The following AHCYL2 variants were observed in gnomAD, a reference collection of about 807,000 sequenced individuals.
The protein encoded by AHCYL2 is S-adenosylhomocysteine hydrolase-like protein 2.
A neutral mutation model predicts 81.4 loss-of-function variants in AHCYL2; 28 were observed. The ratio of observed to expected loss-of-function variants is 0.34; its 90% CI spans 0.25 to 0.47. The LOEUF is 0.47. AHCYL2 is among the 20% of genes least tolerant of loss of function. The pLI is 1.00. For missense variants in AHCYL2, 551 were observed against 785.1 expected (o/e 0.70, Z 3.56); for synonymous variants, 272 against 290.2 (o/e 0.94, Z 0.64).
chr7:129,263,588 C>T (rs1047285653), intron 1 of AHCYL2, among the ~76,000 whole-genome samples: 4 of 152,186 alleles, frequency 2.6e-5, no homozygotes, highest in South Asian at 2.1e-4. Flanking sequence ...GGCAGAGAAA[C>T]GAGAGACAAG....
At chr7:129,248,401 A>G (rs980095908) in intron 1 of AHCYL2, among the ~76,000 whole-genome samples, 2 of 152,148 alleles carry the variant, frequency 1.3e-5, no homozygotes, top group African/African-American at 4.8e-5. Flanking sequence ...AATCATTTCT[A>G]CATTACTTAC....
chr7:129,360,926 G>C lies in AHCYL2; in HGVS notation c.364-18712G>C, dbSNP rs137957205. On this transcript the variant is annotated intron_variant, in intron 1 of 16. Transcript: ENST00000325006. ...AGGAAGTGATATGGCATGTATAAAT[G>C]AATTTAATGAATTGAAGTAGGCTGT... Among the ~76,000 whole-genome samples, 739 of 152,282 alleles carry C rather than the reference G, an allele frequency of 4.9e-3. 7 individuals are homozygous for C. The highest frequency in any genetic ancestry group is 0.017 in the African/African-American group (707 of 41,556).
At chr7:129,367,890 T>C (rs1794185298) in intron 1 of AHCYL2, among the ~76,000 whole-genome samples, 1 of 152,240 alleles carries the variant, frequency 6.6e-6, no homozygotes. Context: ...TGCGAGAGTT[T>C]GGTGCCAGAC....
chr7:129,315,542 T>C (rs1797801523), intron 1 of AHCYL2, among the ~76,000 whole-genome samples: 2 of 152,218 alleles, frequency 1.3e-5, no homozygotes, highest in Non-Finnish European at 2.9e-5. Context: ...TTTCCCAACC[T>C]TTATATATTT....
At chr7:129,329,750 G>A (rs954199213) in intron 1 of AHCYL2, among the ~76,000 whole-genome samples, 3 of 152,184 alleles carry the variant, frequency 2.0e-5, no homozygotes, top group Non-Finnish European at 4.4e-5. Flanking sequence ...TGTGGTTTTT[G>A]TGAAGAGCAG....
intron 10 of AHCYL2, among the ~76,000 whole-genome samples, chr7:129,409,087 T>C (rs1277807159): frequency 1.4e-5 from 2 of 144,150 alleles, no homozygotes; most frequent in Non-Finnish European, 3.0e-5. Flanking sequence ...ATCCCATCTC[T>C]AAAAAAAAAA....
chr7:129,378,160 A>G (rs1460383404), intron 1 of AHCYL2, among the ~76,000 whole-genome samples: 1 of 152,084 alleles, frequency 6.6e-6, no homozygotes, highest in Admixed American at 6.5e-5. Flanking sequence ...AAAAATACAA[A>G]AATTAGCTGG....
chr7:129,411,407 A>G (rs1303748914), intron 11 of AHCYL2, among the ~76,000 whole-genome samples: 1 of 152,184 alleles, frequency 6.6e-6, no homozygotes, highest in Non-Finnish European at 1.5e-5. Flanking sequence ...TTTCATATAA[A>G]TGGAATCATA....
At chr7:129,390,854 TCCTAC>T (rs1795435972) in intron 4 of AHCYL2, among the ~76,000 whole-genome samples, 1 of 152,198 alleles carries the variant, frequency 6.6e-6, no homozygotes, top group Non-Finnish European at 1.5e-5. Flanking sequence ...CACCAGTGAT[TCCTAC>T]CTTACTCTCA....
At chr7:129,242,417 A>T (rs1300630457) in intron 1 of AHCYL2, among the ~76,000 whole-genome samples, 1 of 151,732 alleles carries the variant, frequency 6.6e-6, no homozygotes, top group African/African-American at 2.4e-5. Context: ...GTATCTCTAG[A>T]AGCAAAATTG....
At chr7:129,304,066 A>T (rs927657045) in intron 1 of AHCYL2, among the ~76,000 whole-genome samples, 3 of 150,566 alleles carry the variant, frequency 2.0e-5, no homozygotes, top group African/African-American at 7.5e-5. Flanking sequence ...AATAAAAAAT[A>T]AAATAAAAAT....
chr7:129,371,164 G>A (rs1794393102), intron 1 of AHCYL2, among the ~76,000 whole-genome samples: 1 of 152,152 alleles, frequency 6.6e-6, no homozygotes, highest in Admixed American at 6.5e-5. Flanking sequence ...TTTAACGAGT[G>A]TCTTACTCAT....
At chr7:129,238,959 A>C (rs115821452) in intron 1 of AHCYL2, among the ~76,000 whole-genome samples, 1,644 of 152,216 alleles carry the variant, frequency 0.011, 40 homozygotes, top group African/African-American at 0.038. Context: ...CTCAAAAAAA[A>C]AGAACCTTTG....
chr7:129,319,448 G>A (rs933288003), intron 1 of AHCYL2, among the ~76,000 whole-genome samples: 10 of 148,126 alleles, frequency 6.8e-5, no homozygotes, highest in East Asian at 3.9e-4. Flanking sequence ...AGACTCTGTC[G>A]CAAAAAAAAA....
At chr7:129,272,630 G>T (rs1456851358) in intron 1 of AHCYL2, among the ~76,000 whole-genome samples, 3 of 152,112 alleles carry the variant, frequency 2.0e-5, no homozygotes, top group African/African-American at 7.2e-5. Context: ...GTGATTCAAG[G>T]TTTATTGGTA....
rs1347963188 is a variant in AHCYL2, at chr7:129,225,284, G to A, written c.208G>A (p.Ala70Thr). The A allele has an allele frequency of 1.4e-6, 2 of 1,456,790 alleles. No individual in the cohort carries two copies. Among genetic ancestry groups the A allele is most frequent in the Non-Finnish European group, 9.0e-7 (1 of 1,113,016 alleles). 90.2% of individuals were successfully genotyped at this position (1,456,790 alleles called of 1,614,324 possible). ...PPVPGPGSGPAAALSPAAGKV... is the reference protein window; with the variant it reads ...PPVPGPGSGPTAALSPAAGKV... The stretch of plus-strand genomic sequence containing the variant: ...GGTCCCCGGCCCGGGCTCGGGGCCC[G>A]CCGCCGCTCTCAGCCCCGCCGCCGG... The change falls in exon 1 of 17, where the codon GCC (alanine) becomes ACC (threonine). Residue 70 changes from alanine (A) to threonine (T), a missense_variant. Physicochemically the swap from Ala to Thr is moderately conservative, Grantham distance 58 (BLOSUM62 0). Coordinates refer to ENST00000325006, the MANE Select transcript of AHCYL2 (RefSeq NM_015328.4).
chr7:129,255,563 T>C (rs953020047), intron 1 of AHCYL2, among the ~76,000 whole-genome samples: 1 of 152,202 alleles, frequency 6.6e-6, no homozygotes, highest in African/African-American at 2.4e-5. Flanking sequence ...TCTATTTACA[T>C]GAATGTGTGT....
intron 13 of AHCYL2, among the ~76,000 whole-genome samples, 155 bp downstream of exon 13, chr7:129,423,093 C>T (rs1428197774): frequency 6.6e-6 from 1 of 152,212 alleles, no homozygotes; most frequent in Non-Finnish European, 1.5e-5. Context: ...TGTGAAAGAT[C>T]TTTTCATTCA....
At chr7:129,370,961 A>C (rs1025962019) in intron 1 of AHCYL2, among the ~76,000 whole-genome samples, 9 of 152,160 alleles carry the variant, frequency 5.9e-5, no homozygotes, top group Admixed American at 5.9e-4. Flanking sequence ...TTGACTCCTG[A>C]CTTGGTCTGA....
Sources: gnomAD v4.1 joint callset for allele counts (sites outside exome capture counted in the v4.1 genomes callset) on GRCh38, gnomAD v4.1.1 for gene constraint, MANE v1.5 for transcripts, NCBI Gene and HGNC (gene_info 2026-07-23, HGNC 2026-07-21) for gene names.